Variants in VTI1A observed in about 807,000 individuals in gnomAD.
VTI1A encodes the protein vesicle transport through interaction with t-SNAREs homolog 1A.
Under a neutral mutation model 34.9 loss-of-function variants are expected in VTI1A, and 22 were observed. The observed-to-expected ratio is 0.63, with a 90% confidence interval of 0.45 to 0.90. The LOEUF is 0.90. Ranked by LOEUF, VTI1A falls within the 40% of genes least tolerant of loss-of-function variation. VTI1A has a pLI of 0.00. For missense variants in VTI1A, 268 were observed against 275.6 expected (o/e 0.97, Z 0.20); for synonymous variants, 87 against 97.3 (o/e 0.89, Z 0.62).
chr10:112,800,089 A>G (rs1029600521), intron 7 of VTI1A, among the ~76,000 whole-genome samples: 1 of 152,220 alleles, frequency 6.6e-6, no homozygotes, highest in Non-Finnish European at 1.5e-5. Context: ...GGAAAGAAAA[A>G]GGTGTTAAAT....
chr10:112,840,820 C>T, the VTI1A span, among the ~76,000 whole-genome samples: 1 of 152,156 alleles, frequency 6.6e-6, no homozygotes, highest in Non-Finnish European at 1.5e-5. Context: ...AAGGAGGCCA[C>T]TAGTATAATG....
chr10:112,619,119 T>C (rs768142252), intron 5 of VTI1A, among the ~76,000 whole-genome samples: 1 of 151,980 alleles, frequency 6.6e-6, no homozygotes, highest in Non-Finnish European at 1.5e-5. Flanking sequence ...CAGAAAATTG[T>C]CATATTGGTA....
At chr10:112,661,764 GTTTTTTTT>G (rs34974968) in intron 5 of VTI1A, among the ~76,000 whole-genome samples, 2 of 105,960 alleles carry the variant, frequency 1.9e-5, no homozygotes, top group Admixed American at 1.1e-4. Flanking sequence ...CTGCTGTTAA[GTTTTTTTT>G]TTTTTTTTTT....
At chr10:112,546,096 G>GTA (rs1851105094) in intron 5 of VTI1A, among the ~76,000 whole-genome samples, 1 of 150,490 alleles carries the variant, frequency 6.6e-6, no homozygotes, top group African/African-American at 2.5e-5. Flanking sequence ...GCGTATGTGT[G>GTA]TATATACGTG....
At chr10:112,782,974 G>T (rs1339604886) in intron 7 of VTI1A, among the ~76,000 whole-genome samples, 1 of 152,120 alleles carries the variant, frequency 6.6e-6, no homozygotes, top group African/African-American at 2.4e-5. Context: ...CGAAAGTGCA[G>T]AACTTGGTAG....
chr10:112,611,076 A>G (rs1383001157), intron 5 of VTI1A, among the ~76,000 whole-genome samples: 1 of 152,220 alleles, frequency 6.6e-6, no homozygotes, highest in East Asian at 1.9e-4. Context: ...ACTGTAAAGA[A>G]ACTTAGAGCT....
chr10:112,844,112 G>T, the VTI1A span, among the ~76,000 whole-genome samples: 1 of 152,098 alleles, frequency 6.6e-6, no homozygotes, highest in Admixed American at 6.6e-5. Context: ...AAAGGGAAAA[G>T]GGTCTGCTGC....
intron 7 of VTI1A, chr10:112,752,287 A>C: frequency 4.9e-4 from 346 of 709,256 alleles, no homozygotes; most frequent in Middle Eastern, 1.5e-3. Flanking sequence ...GGCTCCAGCC[A>C]GGGTCCCCTT....
At chr10:112,593,832 G>A (rs1489073714) in intron 5 of VTI1A, among the ~76,000 whole-genome samples, 3 of 152,082 alleles carry the variant, frequency 2.0e-5, no homozygotes, top group African/African-American at 4.8e-5. Context: ...CGCCTCCCGG[G>A]CTCACGCCAT....
chr10:112,830,405 C>G, the VTI1A span, among the ~76,000 whole-genome samples: 17 of 151,302 alleles, frequency 1.1e-4, no homozygotes, highest in African/African-American at 4.1e-4. Flanking sequence ...GAATGTTCTC[C>G]TCCTCTTCCC....
At chr10:112,825,011 G>A in the VTI1A span, 218 of 152,384 alleles carry the variant, frequency 1.4e-3, 1 homozygote, top group African/African-American at 5.0e-3. Context: ...TGTCACAGGT[G>A]TGTGACCAGT....
chr10:112,814,455 G>A (rs1001742067), intron 7 of VTI1A, among the ~76,000 whole-genome samples: 1 of 152,096 alleles, frequency 6.6e-6, no homozygotes, highest in African/African-American at 2.4e-5. Context: ...TCTGATGTTC[G>A]ACCTCTTTTC....
chr10:112,649,731 A>G (rs1282805062), intron 5 of VTI1A, among the ~76,000 whole-genome samples: 1 of 152,246 alleles, frequency 6.6e-6, no homozygotes, highest in Non-Finnish European at 1.5e-5. Flanking sequence ...AGGATCCAGC[A>G]CACCTAATGT....
At chr10:112,630,794 A>G (rs1352120948) in intron 5 of VTI1A, among the ~76,000 whole-genome samples, 2 of 152,180 alleles carry the variant, frequency 1.3e-5, no homozygotes, top group African/African-American at 4.8e-5. Context: ...CTCCTTACTC[A>G]ATAACCAGAA....
At chr10:112,572,770 C>T (rs981304202) in intron 5 of VTI1A, among the ~76,000 whole-genome samples, 2 of 148,834 alleles carry the variant, frequency 1.3e-5, no homozygotes, top group African/African-American at 2.5e-5. Context: ...ACCCGGGAGG[C>T]GGAGCTTGCA....
intron 5 of VTI1A, among the ~76,000 whole-genome samples, chr10:112,622,295 C>G (rs891688516): frequency 1.6e-4 from 25 of 152,288 alleles, no homozygotes; most frequent in African/African-American, 5.1e-4. Flanking sequence ...TTAATTGGCA[C>G]TAGACACACC....
At position 112,685,630 on chromosome 10, in the gene VTI1A, C is replaced by A. The variant is rs114413798; in HGVS notation, c.560+16632C>A. Among the ~76,000 whole-genome samples the A allele has an allele frequency of 6.7e-3, 1,011 of 151,422 alleles. 9 individuals are homozygous for A. Among genetic ancestry groups the A allele is most frequent in the African/African-American group, 0.024 (978 of 41,266 alleles). On this transcript the variant is annotated intron_variant, in intron 7 of 7. Transcript: ENST00000393077. ...CTTTAGTTCATAAGTTTCAGAATCG[C>A]ATTCTTTCTCAGAATCTTTAGGATG...
intron 5 of VTI1A, among the ~76,000 whole-genome samples, chr10:112,655,385 G>A (rs973357016): frequency 2.0e-4 from 31 of 152,028 alleles, no homozygotes; most frequent in Non-Finnish European, 2.9e-5. Context: ...GTGGGGCAGG[G>A]GTAGCAGGGC....
chr10:112,831,670 C>T, the VTI1A span: 1 of 152,098 alleles, frequency 6.6e-6, no homozygotes, highest in Non-Finnish European at 1.5e-5. Context: ...TTTTGATAGC[C>T]CAAGTGAATA....
Sources: allele counts gnomAD v4.1 joint callset (sites outside exome capture counted in the v4.1 genomes callset), GRCh38; gene constraint gnomAD v4.1.1; transcripts MANE v1.5; gene names NCBI Gene and HGNC (gene_info 2026-07-23, HGNC 2026-07-21).